The following OVCH1 variants were observed in gnomAD, a reference collection of about 807,000 sequenced individuals.
OVCH1 encodes the protein ovochymase-1.
OVCH1 carries 139 observed loss-of-function variants against 138.4 expected under a neutral mutation model. The observed-to-expected ratio is 1.00, with a 90% CI of 0.87 to 1.16. The LOEUF (loss-of-function observed/expected upper bound fraction) is 1.16, where lower values mean the gene tolerates loss of function less well. OVCH1 is among the 50% of genes most tolerant of loss of function. The pLI, the probability that OVCH1 is intolerant of heterozygous loss-of-function variation, is 0.00. For missense variants in OVCH1, 1,367 were observed against 1,357.9 expected (o/e 1.01, Z -0.11); for synonymous variants, 453 against 467.8 (o/e 0.97, Z 0.41).
At position 29,443,500 on chromosome 12, in the gene OVCH1, A is replaced by T. The variant is rs774336023; in HGVS notation, c.3018T>A (p.Gly1006=). Residue 1006 remains glycine, a splice_region_variant and synonymous_variant, in exon 25 of 28, where the codon GGT becomes GGA. Transcript: ENST00000318184. ...AAGGGGCTACTAATCTCCATTGGCA[A>T]CTATGGCATAGATGAAACAAAGTCA... The T allele has an allele frequency of 6.3e-6, 10 of 1,589,604 alleles. No individual in the cohort carries two copies. In the African/African-American group the frequency reaches 1.4e-4, roughly 21 times the overall value.
chr12:29,464,374 A>G (rs1347099601), intron 18 of OVCH1, 133 bp downstream of exon 18: 1 of 1,015,796 alleles, frequency 9.8e-7, no homozygotes, highest in Non-Finnish European at 1.5e-6. Flanking sequence ...GATCTGTTAC[A>G]GCTAAATAAA....
chr12:29,444,829 A>G (rs548555404), intron 23 of OVCH1, among the ~76,000 whole-genome samples: 1 of 152,166 alleles, frequency 6.6e-6, no homozygotes, highest in African/African-American at 2.4e-5. Context: ...CTAGAATCTA[A>G]TATTTGTGTA....
chr12:29,455,666 A>G (rs555049999), intron 19 of OVCH1, among the ~76,000 whole-genome samples: 1 of 152,224 alleles, frequency 6.6e-6, no homozygotes, highest in Non-Finnish European at 1.5e-5. Context: ...TTACATTACT[A>G]AATCTTCCCA....
At chr12:29,492,355 G>A (rs1592119916) in intron 4 of OVCH1, among the ~76,000 whole-genome samples, 1 of 152,028 alleles carries the variant, frequency 6.6e-6, no homozygotes, top group Non-Finnish European at 1.5e-5. Flanking sequence ...CAAATCAGAG[G>A]TTAGATATAG....
At chr12:29,430,924 T>A (rs746294888) in intron 27 of OVCH1, 2 of 517,996 alleles carry the variant, frequency 3.9e-6, no homozygotes, top group Non-Finnish European at 7.7e-6. Flanking sequence ...CCTCCCAGAG[T>A]ACCCCTGTGA....
chr12:29,469,859 A>T (rs1015810209), intron 16 of OVCH1, among the ~76,000 whole-genome samples: 3 of 152,048 alleles, frequency 2.0e-5, no homozygotes, highest in Non-Finnish European at 4.4e-5. Flanking sequence ...TGACAGAGAG[A>T]CTGGTTCTCA....
downstream of OVCH1, chr12:29,425,982 G>T (rs925865379): frequency 6.6e-6 from 1 of 152,124 alleles, no homozygotes; most frequent in African/African-American, 2.4e-5. Context: ...ATTTGTGTTT[G>T]ACCAAGGGGG....
chr12:29,481,609 T>A (rs1352535414), intron 8 of OVCH1, among the ~76,000 whole-genome samples: 3 of 152,218 alleles, frequency 2.0e-5, no homozygotes. Context: ...TTCTGCCCTC[T>A]TTTCAATGCC....
chr12:29,446,611 T>TA (rs1377378946), intron 22 of OVCH1, among the ~76,000 whole-genome samples: 1 of 152,086 alleles, frequency 6.6e-6, no homozygotes, highest in African/African-American at 2.4e-5. Flanking sequence ...ATTCCTCAGG[T>TA]AATCTACAAT....
the OVCH1 span, among the ~76,000 whole-genome samples, chr12:29,405,660 T>G: frequency 6.6e-6 from 1 of 152,232 alleles, no homozygotes. Flanking sequence ...CTATTTTGTA[T>G]GGATTCTTTT....
At chr12:29,496,917 C>T (rs1565619700) in intron 1 of OVCH1, among the ~76,000 whole-genome samples, 1 of 152,176 alleles carries the variant, frequency 6.6e-6, no homozygotes, top group South Asian at 2.1e-4. Context: ...AAGGAGCCAG[C>T]GCTGCCTCTG....
chr12:29,481,175 C>T (rs1942920044), intron 8 of OVCH1, among the ~76,000 whole-genome samples: 2 of 152,006 alleles, frequency 1.3e-5, no homozygotes, highest in African/African-American at 2.4e-5. Flanking sequence ...TTTTACCTCT[C>T]CCTACATCTA....
At chr12:29,455,543 T>TGATTGTTCATAAATTTTGTTTCC in intron 19 of OVCH1, 138 bp from the exon 20 acceptor site, 1 of 1,004,558 alleles carries the variant, frequency 1.0e-6, no homozygotes, top group Non-Finnish European at 1.4e-6. Flanking sequence ...AATTTCCATC[T>TGATTGTTCATAAATTTTGTTTCC]TTACATACTA....
chr12:29,421,626 C>T (rs893699674), intron 3 of OVCH1, among the ~76,000 whole-genome samples: 22 of 152,108 alleles, frequency 1.4e-4, no homozygotes, highest in Middle Eastern at 3.2e-3. Flanking sequence ...CTTATCAAAA[C>T]ACTTTACACT....
chr12:29,492,328 TA>T (rs34341585), intron 4 of OVCH1, among the ~76,000 whole-genome samples: 87,889 of 147,656 alleles, frequency 0.6, 26,162 homozygotes, highest in East Asian at 0.74. Context: ...GTTAGTTTCA[TA>T]AAAAAAAAAA....
chr12:29,431,923 C>T (rs978591246), intron 27 of OVCH1, among the ~76,000 whole-genome samples: 1 of 152,166 alleles, frequency 6.6e-6, no homozygotes, highest in Non-Finnish European at 1.5e-5. Context: ...GTTTGTTAAC[C>T]CATTCATCAG....
intron 3 of OVCH1, among the ~76,000 whole-genome samples, chr12:29,414,101 C>A (rs1345147417): frequency 4.7e-5 from 7 of 149,960 alleles, no homozygotes; most frequent in African/African-American, 1.7e-4. Context: ...CTGACTGCAA[C>A]CTCTACCTCC....
downstream of OVCH1, among the ~76,000 whole-genome samples, chr12:29,409,038 A>G (rs1940918891): frequency 6.6e-6 from 1 of 152,022 alleles, no homozygotes; most frequent in African/African-American, 2.4e-5. Context: ...TAGTCTTGGG[A>G]GAGTGTATGT....
chr12:29,454,480 T>C (rs971055439), intron 21 of OVCH1, among the ~76,000 whole-genome samples: 1 of 152,196 alleles, frequency 6.6e-6, no homozygotes, highest in Non-Finnish European at 1.5e-5. Context: ...GAAATACTAA[T>C]GCTGGCGCTA....
Sources: allele counts gnomAD v4.1 joint callset (sites outside exome capture counted in the v4.1 genomes callset), GRCh38; gene constraint gnomAD v4.1.1; transcripts MANE v1.5; gene names NCBI Gene and HGNC (gene_info 2026-07-23, HGNC 2026-07-21).